The following CLASP1 variants were observed in gnomAD, a reference collection of about 807,000 sequenced individuals.
CLASP1 encodes cytoplasmic linker associated protein 1.
Under a neutral mutation model 192.3 loss-of-function variants are expected in CLASP1, and 38 were observed. That is an observed-to-expected ratio of 0.20 (90% CI 0.15 to 0.26). The LOEUF is 0.26. Among genes scored for constraint, CLASP1 ranks in the 10% least tolerant of loss-of-function variants. CLASP1 has a pLI of 1.00. For missense variants in CLASP1, 1,433 were observed against 1,932.5 expected (o/e 0.74, Z 4.85); for synonymous variants, 691 against 712.8 (o/e 0.97, Z 0.49).
intron 2 of CLASP1, among the ~76,000 whole-genome samples, chr2:121,586,628 C>G (rs983186730): frequency 6.6e-6 from 1 of 151,800 alleles, no homozygotes; most frequent in Non-Finnish European, 1.5e-5. Context: ...AAACTATGTT[C>G]AATATGAATT....
At chr2:121,524,359 T>C (rs1261226690) in intron 6 of CLASP1, among the ~76,000 whole-genome samples, 2 of 152,206 alleles carry the variant, frequency 1.3e-5, no homozygotes, top group East Asian at 3.9e-4. Flanking sequence ...AGAATCTTTT[T>C]AAAAAATAGT....
At chr2:121,402,980 C>T (rs544710499) in intron 26 of CLASP1, among the ~76,000 whole-genome samples, 6 of 152,190 alleles carry the variant, frequency 3.9e-5, no homozygotes, top group African/African-American at 9.6e-5. Flanking sequence ...TACAGGTGCC[C>T]GCCACCATGC....
intron 7 of CLASP1, among the ~76,000 whole-genome samples, chr2:121,506,517 G>T (rs1406359519): frequency 6.6e-6 from 1 of 152,020 alleles, no homozygotes; most frequent in Non-Finnish European, 1.5e-5. Context: ...GGGAAGGAGG[G>T]GTAGAAATTG....
intron 2 of CLASP1, among the ~76,000 whole-genome samples, chr2:121,546,439 A>G (rs890009012): frequency 5.3e-5 from 8 of 151,836 alleles, no homozygotes; most frequent in Non-Finnish European, 1.2e-4. Context: ...ACGCATTGGG[A>G]CCAATCAAGG....
intron 19 of CLASP1, 101 bp from the exon 20 acceptor site, chr2:121,430,278 A>G: frequency 6.2e-6 from 5 of 807,504 alleles, no homozygotes; most frequent in Non-Finnish European, 1.0e-5. Context: ...TGACCAGCCA[A>G]CTACATGGGG....
intron 30 of CLASP1, 108 bp downstream of exon 31, chr2:121,397,032 T>A: frequency 9.9e-7 from 1 of 1,008,644 alleles, no homozygotes; most frequent in Non-Finnish European, 1.5e-6. Flanking sequence ...AGAGCCTTAG[T>A]GATATAGGTT....
intron 8 of CLASP1, among the ~76,000 whole-genome samples, chr2:121,472,384 C>T (rs1450617389): frequency 2.6e-5 from 4 of 152,134 alleles, no homozygotes; most frequent in Admixed American, 6.5e-5. Flanking sequence ...CACCGGACAA[C>T]GGGCAGTTCA....
At chr2:121,648,795 C>G (rs983429297) in intron 1 of CLASP1, among the ~76,000 whole-genome samples, 1 of 152,230 alleles carries the variant, frequency 6.6e-6, no homozygotes, top group Non-Finnish European at 1.5e-5. Context: ...CCCCGGGAAC[C>G]AAGGGGACCT....
At chr2:121,478,982 ACCACACACCC>A (rs2092306809) in intron 8 of CLASP1, among the ~76,000 whole-genome samples, 1 of 38,264 alleles carries the variant, frequency 2.6e-5, no homozygotes, top group Non-Finnish European at 4.6e-5. Context: ...CCACACACAC[ACCACACACCC>A]CACACACACA....
chr2:121,348,894 G>T (rs2063815616), intron 37 of CLASP1, among the ~76,000 whole-genome samples, 176 bp from the exon 39 acceptor site: 1 of 152,118 alleles, frequency 6.6e-6, no homozygotes, highest in Admixed American at 6.5e-5. Context: ...ATTTTAAAGG[G>T]GAGCGTGGGC....
At chr2:121,627,328 T>A (rs1283851542) in intron 1 of CLASP1, among the ~76,000 whole-genome samples, 1 of 152,162 alleles carries the variant, frequency 6.6e-6, no homozygotes, top group Non-Finnish European at 1.5e-5. Context: ...GAAAGACACA[T>A]GAAATGGAAA....
At chr2:121,417,961 T>C (rs552833332) in intron 23 of CLASP1, among the ~76,000 whole-genome samples, 1 of 152,354 alleles carries the variant, frequency 6.6e-6, no homozygotes, top group South Asian at 2.1e-4. Context: ...TTTATGCTTA[T>C]CAAGAGGAAA....
At chr2:121,497,989 T>C (rs1037680524) in intron 8 of CLASP1, among the ~76,000 whole-genome samples, 1 of 151,992 alleles carries the variant, frequency 6.6e-6, no homozygotes, top group Non-Finnish European at 1.5e-5. Context: ...CCTCCCAAAG[T>C]GCTGGGATTA....
intron 1 of CLASP1, among the ~76,000 whole-genome samples, chr2:121,629,556 C>T (rs1225661759): frequency 4.6e-5 from 7 of 152,016 alleles, no homozygotes; most frequent in African/African-American, 1.4e-4. Flanking sequence ...TTTGGGAGGC[C>T]GAAGCCAGTG....
chr2:121,373,183 A>C (rs563082178), intron 34 of CLASP1, among the ~76,000 whole-genome samples: 5 of 152,270 alleles, frequency 3.3e-5, no homozygotes, highest in Non-Finnish European at 7.4e-5. Flanking sequence ...GAGTTCTCAT[A>C]AGACCTGGTT....
At chr2:121,487,102 G>C (rs1009119517) in intron 8 of CLASP1, among the ~76,000 whole-genome samples, 7 of 152,060 alleles carry the variant, frequency 4.6e-5, no homozygotes, top group African/African-American at 1.7e-4. Context: ...GCCAAAATAT[G>C]GAATTGCTCT....
At chr2:121,617,730 C>G (rs1406365540) in intron 1 of CLASP1, among the ~76,000 whole-genome samples, 1 of 152,210 alleles carries the variant, frequency 6.6e-6, no homozygotes, top group Non-Finnish European at 1.5e-5. Context: ...TAATTCATCT[C>G]TCATCTCTAC....
intron 7 of CLASP1, among the ~76,000 whole-genome samples, chr2:121,506,342 G>T (rs979925917): frequency 6.6e-6 from 1 of 152,092 alleles, no homozygotes; most frequent in African/African-American, 2.4e-5. Context: ...TGCAGGGCTT[G>T]TCTTTATCTG....
chr2:121,493,453 G>A (rs1461561421), intron 8 of CLASP1, among the ~76,000 whole-genome samples: 1 of 152,164 alleles, frequency 6.6e-6, no homozygotes, highest in African/African-American at 2.4e-5. Flanking sequence ...ATATGCAGAA[G>A]AATAAAACTG....
Sources: gnomAD v4.1 joint callset for allele counts (sites outside exome capture counted in the v4.1 genomes callset) on GRCh38, gnomAD v4.1.1 for gene constraint, MANE v1.5 for transcripts, NCBI Gene and HGNC (gene_info 2026-07-23, HGNC 2026-07-21) for gene names.